The following AFDN variants were observed in gnomAD, a reference collection of about 807,000 sequenced individuals.
AFDN encodes the protein afadin.
AFDN carries 68 observed loss-of-function variants against 216.6 expected under a neutral mutation model. That is an observed-to-expected ratio of 0.31 (90% CI 0.26 to 0.38). AFDN has a LOEUF of 0.38. Among genes scored for constraint, AFDN ranks in the 10% least tolerant of loss-of-function variants. AFDN has a pLI of 1.00. For missense variants in AFDN, 2,136 were observed against 2,342.0 expected (o/e 0.91, Z 1.82); for synonymous variants, 868 against 853.7 (o/e 1.02, Z -0.29).
At chr6:167,843,860 A>T (rs535066793) in intron 1 of AFDN, among the ~76,000 whole-genome samples, 29 of 152,328 alleles carry the variant, frequency 1.9e-4, no homozygotes, top group African/African-American at 7.0e-4. Context: ...TTGTGTTAAC[A>T]TTTCAATATC....
At chr6:167,924,564 G>A (rs539909971) in intron 22 of AFDN, among the ~76,000 whole-genome samples, 1 of 152,164 alleles carries the variant, frequency 6.6e-6, no homozygotes, top group Non-Finnish European at 1.5e-5. Flanking sequence ...GGTCATCTTT[G>A]TTATAACCAT....
intron 1 of AFDN, among the ~76,000 whole-genome samples, chr6:167,847,362 C>G (rs1267689660): frequency 2.0e-5 from 3 of 152,160 alleles, no homozygotes; most frequent in African/African-American, 7.2e-5. Context: ...TGAACTTCAG[C>G]CCCATATAGC....
At chr6:167,894,428 G>C (rs1787984994) in intron 9 of AFDN, among the ~76,000 whole-genome samples, 1 of 152,156 alleles carries the variant, frequency 6.6e-6, no homozygotes, top group Non-Finnish European at 1.5e-5. Context: ...ACTTGTTGAG[G>C]AAGGGGAGAA....
chr6:167,886,382 A>C (rs1170989984), intron 6 of AFDN, among the ~76,000 whole-genome samples: 4 of 152,218 alleles, frequency 2.6e-5, no homozygotes, highest in Non-Finnish European at 4.4e-5. Flanking sequence ...CATGAACTAG[A>C]GTTCTGCCAT....
chr6:167,858,458 GTTTTGT>G (rs1783148009), intron 1 of AFDN, among the ~76,000 whole-genome samples: 3 of 152,194 alleles, frequency 2.0e-5, no homozygotes, highest in Non-Finnish European at 2.9e-5. Context: ...CTTTCTCTCT[GTTTTGT>G]TAGTTTTCTT....
intron 11 of AFDN, among the ~76,000 whole-genome samples, chr6:167,901,762 G>T (rs149523216): frequency 4.0e-5 from 6 of 151,748 alleles, no homozygotes; most frequent in Admixed American, 6.6e-5. Flanking sequence ...AAATAACCTG[G>T]TTTTTTATGT....
intron 13 of AFDN, among the ~76,000 whole-genome samples, chr6:167,909,486 A>G (rs1480117911): frequency 1.3e-5 from 2 of 152,080 alleles, no homozygotes; most frequent in Non-Finnish European, 2.9e-5. Flanking sequence ...TTATTTTTGA[A>G]GGAAAGTTTT....
Position 167,962,956 on chromosome 6 carries a change from G to C in AFDN, c.4968+389G>C. 9.0e-7 allele frequency: 1 copy of C among 1,112,984 alleles called. No homozygotes were observed. Among genetic ancestry groups the C allele is most frequent in the South Asian group, 3.9e-5 (1 of 25,604 alleles). 68.9% of individuals were successfully genotyped at this position (1,112,984 alleles called of 1,614,324 possible). ...GGCATGTGGACCGTGGGAAGCAGTA[G>C]GAGCGTAGTAAGACAGTTGGCTGCC... On this transcript the variant is annotated intron_variant, in intron 31 of 33. Coordinates refer to ENST00000683244, the MANE Select transcript of AFDN (RefSeq NM_001386888.1). The surrounding 1 kb of genome is among the most constrained non-coding windows in gnomAD (Gnocchi z 5.2).
rs1009086979 is a variant in AFDN, at chr6:167,971,394, T to C, written c.*1459T>C. 21 of 204,836 alleles carry C rather than the reference T, an allele frequency of 1.0e-4. No homozygotes were observed. The East Asian group carries it at 1.6e-3, about 15-fold the overall frequency. The allele number at this position is 204,836 out of a possible 1,614,324, so 12.7% of individuals were successfully genotyped here. ...CCTTCGAAATCACTTTTAATAAAAGTTGTATGATAAATCATTAAAAATGCG... is the reference window on the plus strand; with the variant it reads ...CCTTCGAAATCACTTTTAATAAAAGCTGTATGATAAATCATTAAAAATGCG... On this transcript the variant is annotated 3_prime_UTR_variant, in exon 34 of 34. Transcript: ENST00000683244.
chr6:167,932,064 T>A (rs975965585), intron 23 of AFDN, among the ~76,000 whole-genome samples: 1 of 152,202 alleles, frequency 6.6e-6, no homozygotes. Context: ...ACCTGCTGTT[T>A]GTATTCTTGT....
Position 167,969,248 on chromosome 6 carries a change from CTT to C in AFDN, c.5342+52_5342+53del, listed in dbSNP as rs776065109. On this transcript the variant is annotated intron_variant, in intron 33 of 33. Coordinates refer to ENST00000683244, the MANE Select transcript of AFDN (RefSeq NM_001386888.1). ...GAACTTCATCTGTACCTGATGAGCC[CTT>C]TCACTCTTCACGACACCTTGAGATT... 4 of 1,370,384 alleles carry C rather than the reference CTT, an allele frequency of 2.9e-6. No individual in the cohort carries two copies. The South Asian group carries it at 4.7e-5, about 16-fold the overall frequency. 84.9% of individuals were successfully genotyped at this position (1,370,384 alleles called of 1,614,324 possible).
chr6:167,901,561 T>C (rs1788956002), intron 11 of AFDN, among the ~76,000 whole-genome samples: 1 of 152,198 alleles, frequency 6.6e-6, no homozygotes, highest in South Asian at 2.1e-4. Context: ...GTCCCACTTT[T>C]TAATTTGTAG....
At chr6:167,969,243 G>GA in intron 33 of AFDN, 45 bp downstream of exon 33, 3 of 1,441,744 alleles carry the variant, frequency 2.1e-6, no homozygotes, top group Non-Finnish European at 2.9e-6. Flanking sequence ...TGTACCTGAT[G>GA]AGCCCTTTCA....
chr6:167,971,078 G>T lies in AFDN; in HGVS notation c.*1143G>T. On this transcript the variant is annotated 3_prime_UTR_variant, in exon 34 of 34. Coordinates refer to ENST00000683244, the MANE Select transcript of AFDN (RefSeq NM_001386888.1). ...ATGGATATGTGGCTGATGTTGGGGA[G>T]ACGGACCTCAGTGTGTTTTATATTG... 4.5e-6 allele frequency: 1 copy of T among 220,692 alleles called. No individual in the cohort carries two copies. The highest frequency in any genetic ancestry group is 9.1e-6 in the Non-Finnish European group (1 of 110,252). 13.7% of individuals were successfully genotyped at this position (220,692 alleles called of 1,614,324 possible). A position where few individuals can be genotyped will look rare whatever the true frequency, so the allele number is the denominator to read the frequency against.
intron 23 of AFDN, among the ~76,000 whole-genome samples, chr6:167,936,337 A>T (rs943050113): frequency 1.3e-5 from 2 of 152,260 alleles, no homozygotes; most frequent in Non-Finnish European, 2.9e-5. Context: ...GACACACAGC[A>T]GCAAAGAACA....
rs188585900 is a variant in AFDN, at chr6:167,874,636, A to G, written c.579-699A>G. On this transcript the variant is annotated intron_variant, in intron 4 of 33. Coordinates refer to ENST00000683244, the MANE Select transcript of AFDN (RefSeq NM_001386888.1). The stretch of plus-strand genomic sequence containing the variant: ...TTTTTTTTTTTTTTTTTTTTTTGAG[A>G]TGAAGTTTTGCTCTTGTTGCCCAGG... 3.1e-3 allele frequency among the ~76,000 whole-genome samples: 292 copies of G among 94,252 alleles called. 1 individual carries two copies. Among genetic ancestry groups the G allele is most frequent in the East Asian group, 0.03 (87 of 2,908 alleles). The allele number at this position is 94,252 out of a possible 152,430, so 61.8% of individuals were successfully genotyped here.
chr6:167,946,763 TATA>T lies in AFDN; in HGVS notation c.3421_3423del (p.Asn1141del). ...ACCAAAGAGTGAAGGCTTTGAGCTC[TATA>T]ATAATTCAACTCAAAATGGGTCTCC... On this transcript the variant is annotated inframe_deletion, in exon 27 of 34. Transcript: ENST00000683244. The T allele has an allele frequency of 6.2e-7, 1 of 1,614,026 alleles. No homozygotes were observed.
chr6:167,908,682 A>C (rs569077088), intron 13 of AFDN, among the ~76,000 whole-genome samples: 1 of 152,296 alleles, frequency 6.6e-6, no homozygotes, highest in South Asian at 2.1e-4. Flanking sequence ...TAATATGGTT[A>C]ATTGTATGTC....
chr6:167,904,594 C>A (rs1789412941), intron 12 of AFDN, among the ~76,000 whole-genome samples: 1 of 152,136 alleles, frequency 6.6e-6, no homozygotes, highest in African/African-American at 2.4e-5. Flanking sequence ...TAAAAGAAGA[C>A]TAGATTTTCT....
Sources: gnomAD v4.1 joint callset for allele counts (sites outside exome capture counted in the v4.1 genomes callset) on GRCh38, gnomAD v4.1.1 for gene constraint, Gnocchi (gnomAD v3.1) non-coding constraint, MANE v1.5 for transcripts, NCBI Gene and HGNC (gene_info 2026-07-23, HGNC 2026-07-21) for gene names.